NSRP1: variants seen among roughly 807,000 people sequenced by gnomAD.
The protein encoded by NSRP1 is nuclear speckle splicing regulatory protein 1, also known as coiled-coil domain containing 55.
Under a neutral mutation model 54.7 loss-of-function variants are expected in NSRP1, and 24 were observed. The observed-to-expected ratio is 0.44, with a 90% CI of 0.32 to 0.62. NSRP1 has a LOEUF of 0.62. NSRP1 is among the 20% of genes least tolerant of loss of function. The pLI is 0.06. For synonymous variants in NSRP1, 210 were observed against 213.8 expected, an observed-to-expected ratio of 0.98 and a Z score of 0.15; for missense variants, 596 against 651.2, an observed-to-expected ratio of 0.92 and a Z score of 0.92.
intron 6 of NSRP1, among the ~76,000 whole-genome samples, chr17:30,183,256 G>A (rs968882635): frequency 2.6e-5 from 4 of 152,036 alleles, no homozygotes; most frequent in African/African-American, 9.7e-5. Context: ...AATGTTCTGG[G>A]TAGATCTGAG....
chr17:30,141,832 G>T (rs1052530789), intron 2 of NSRP1, among the ~76,000 whole-genome samples: 1 of 152,050 alleles, frequency 6.6e-6, no homozygotes, highest in Non-Finnish European at 1.5e-5. Flanking sequence ...GTGAAACCTC[G>T]TCTCTACTAA....
In NSRP1 at chr17:30,180,988, G is replaced by T; in HGVS notation, c.589G>T (p.Val197Leu). The change falls in exon 6 of 7, where the codon GTA (valine) becomes TTA (leucine). Residue 197 changes from valine to leucine, a missense_variant. By Grantham distance (32) the Val-to-Leu change is conservative. Coordinates refer to ENST00000247026, the MANE Select transcript of NSRP1 (RefSeq NM_032141.4). ...LLNQAVGEEEVPKCSFREARS... is the reference protein window; with the variant it reads ...LLNQAVGEEELPKCSFREARS... ...AAATCAAGCAGTTGGTGAAGAGGAA[G>T]TACCTAAATGCAGCTTTCGTGAAGC... The T allele has an allele frequency of 6.2e-7, 1 of 1,612,024 alleles. No homozygotes were observed. Among genetic ancestry groups the T allele is most frequent in the Non-Finnish European group, 8.5e-7 (1 of 1,178,230 alleles).
rs1239170685 is a variant in NSRP1, at chr17:30,178,100, A to G, written c.201A>G (p.Ala67=). 3 of 1,612,316 alleles carry G rather than the reference A, an allele frequency of 1.9e-6. No homozygotes were observed. The highest frequency in any genetic ancestry group is 2.7e-5 in the African/African-American group (2 of 74,970). Residue 67 remains alanine (A), a synonymous_variant, in exon 4 of 7, where the codon GCA becomes GCG. Coordinates refer to ENST00000247026, the MANE Select transcript of NSRP1 (RefSeq NM_032141.4). ...QTKLEIQKAL[A]EDATVYEYDS... Reference sequence around the variant, plus strand: ...AACTGGAAATCCAGAAGGCCCTTGCAGAAGATGCTACTGTGTATGAATATG... The same window carrying G: ...AACTGGAAATCCAGAAGGCCCTTGCGGAAGATGCTACTGTGTATGAATATG...
intron 2 of NSRP1, among the ~76,000 whole-genome samples, chr17:30,157,890 T>A (rs1241173871): frequency 2.6e-5 from 4 of 152,188 alleles, no homozygotes; most frequent in Admixed American, 2.6e-4. Flanking sequence ...TTTATCCGTT[T>A]ATCTGTTGCT....
At chr17:30,176,460 A>AG (rs1905128631) in intron 3 of NSRP1, among the ~76,000 whole-genome samples, 1 of 152,058 alleles carries the variant, frequency 6.6e-6, no homozygotes, top group Non-Finnish European at 1.5e-5. Flanking sequence ...AATACAAAAA[A>AG]TTAGCCAGGC....
intron 2 of NSRP1, among the ~76,000 whole-genome samples, chr17:30,155,972 T>C (rs990002298): frequency 1.3e-5 from 2 of 151,940 alleles, no homozygotes; most frequent in Non-Finnish European, 2.9e-5. Flanking sequence ...CCCTAGTAGC[T>C]GGGATTACAG....
intron 2 of NSRP1, among the ~76,000 whole-genome samples, chr17:30,128,403 A>AT (rs1318050214): frequency 2.0e-5 from 3 of 152,050 alleles, no homozygotes; most frequent in Non-Finnish European, 4.4e-5. Context: ...GTGAGCTACC[A>AT]TTTTTTGCCA....
intron 2 of NSRP1, among the ~76,000 whole-genome samples, chr17:30,167,425 A>G (rs1200435788): frequency 1.3e-5 from 2 of 152,172 alleles, no homozygotes; most frequent in Non-Finnish European, 2.9e-5. Context: ...CCTGACCAAC[A>G]TGATGAAACC....
chr17:30,154,319 T>G (rs1250001170), intron 2 of NSRP1: 1 of 149,214 alleles, frequency 6.7e-6, no homozygotes, highest in Admixed American at 6.7e-5. Flanking sequence ...AGACCCTGTC[T>G]CAAAAAAAAA....
At position 30,181,031 on chromosome 17, in the gene NSRP1, A is replaced by G; in HGVS notation, c.617+15A>G. The stretch of plus-strand genomic sequence containing the variant: ...CGTGAAGCCAGGTGAGGAGACGTGT[A>G]TGAAATATTTTGAAGAAAAATACTG... On this transcript the variant is annotated intron_variant, in intron 6 of 6. Coordinates refer to ENST00000247026, the MANE Select transcript of NSRP1 (RefSeq NM_032141.4). 6.7e-7 allele frequency: 1 copy of G among 1,494,484 alleles called. No individual in the cohort carries two copies. The highest frequency in any genetic ancestry group is 9.3e-7 in the Non-Finnish European group (1 of 1,071,408). The allele number at this position is 1,494,484 out of a possible 1,614,324, so 92.6% of individuals were successfully genotyped here.
chr17:30,178,758 A>T (rs897244003), intron 4 of NSRP1, among the ~76,000 whole-genome samples: 1 of 152,178 alleles, frequency 6.6e-6, no homozygotes, highest in Non-Finnish European at 1.5e-5. Flanking sequence ...ACTATTTTAA[A>T]TAGTCATATT....
chr17:30,149,834 C>A (rs1432652912), intron 2 of NSRP1, among the ~76,000 whole-genome samples: 795 of 97,602 alleles, frequency 8.1e-3, no homozygotes, highest in Non-Finnish European at 9.3e-3. Flanking sequence ...GACCCTGTCT[C>A]AAAAAAAAAA....
At position 30,179,224 on chromosome 17, in the gene NSRP1, A is replaced by G. The variant is rs755035530; in HGVS notation, c.435A>G (p.Thr145=). ...GEFDDKEAFV[T]SAYKKKLQER... is the part of the protein sequence containing the mutation. ...TTGATGATAAAGAAGCATTTGTGAC[A>G]TCTGCATATAAGAAAAAACTGCAAG... The change falls in exon 5 of 7, where the codon ACA becomes ACG. Residue 145 remains threonine (T), a synonymous_variant. Coordinates refer to ENST00000247026, the MANE Select transcript of NSRP1 (RefSeq NM_032141.4). The G allele has an allele frequency of 1.2e-6, 2 of 1,611,816 alleles. No individual in the cohort carries two copies. Among genetic ancestry groups the G allele is most frequent in the South Asian group, 1.1e-5 (1 of 90,500 alleles).
At chr17:30,117,070 T>TG in intron 1 of NSRP1, 1 of 778,176 alleles carries the variant, frequency 1.3e-6, no homozygotes, top group East Asian at 2.5e-5. Flanking sequence ...GGGAGAAACT[T>TG]GTGAGGAAAT....
chr17:30,177,286 A>T (rs911869235), intron 3 of NSRP1, among the ~76,000 whole-genome samples: 2 of 151,976 alleles, frequency 1.3e-5, no homozygotes, highest in Non-Finnish European at 2.9e-5. Flanking sequence ...TGAGAGGATC[A>T]CTTGAAGCCT....
chr17:30,173,260 G>A (rs897757966), intron 3 of NSRP1, among the ~76,000 whole-genome samples: 2 of 152,086 alleles, frequency 1.3e-5, no homozygotes, highest in South Asian at 2.1e-4. Context: ...CACCGTGCGC[G>A]GCCTGATAAT....
rs75629768 is a variant in NSRP1, at chr17:30,130,981, T to C, written c.114+12808T>C. Among the ~76,000 whole-genome samples, 592 of 152,314 alleles carry C rather than the reference T, an allele frequency of 3.9e-3. 5 individuals are homozygous for C. Among genetic ancestry groups the C allele is most frequent in the African/African-American group, 0.014 (576 of 41,576 alleles). ...AAAGCCACTGCCTTTATGGCACTTA[T>C]ATTCTCAAGGTGGTGGTGGTGGGGG... On this transcript the variant is annotated intron_variant, in intron 2 of 6. Transcript: ENST00000247026.
At position 30,172,599 on chromosome 17, in the gene NSRP1, G is replaced by T. The variant is rs1904993766; in HGVS notation, c.171+1G>T. The T allele has an allele frequency of 1.2e-6, 2 of 1,609,804 alleles. No individual in the cohort carries two copies. Among genetic ancestry groups the T allele is most frequent in the Admixed American group, 1.7e-5 (1 of 59,562 alleles). On this transcript the variant is annotated splice_donor_variant, in intron 3 of 6. Coordinates refer to ENST00000247026, the MANE Select transcript of NSRP1 (RefSeq NM_032141.4). LOFTEE classifies it high-confidence loss of function. The stretch of plus-strand genomic sequence containing the variant: ...TGCTAAGAAGCAGGCCATGAAACAG[G>T]TAAGGTAGAAGACTGGGATAAGTGC...
chr17:30,148,284 A>G (rs576351786), intron 2 of NSRP1, among the ~76,000 whole-genome samples: 26 of 152,328 alleles, frequency 1.7e-4, no homozygotes, highest in Admixed American at 1.5e-3. Context: ...AGCAGGATGT[A>G]TTATTTTTAA....
Sources: allele counts gnomAD v4.1 joint callset (sites outside exome capture counted in the v4.1 genomes callset), GRCh38; gene constraint gnomAD v4.1.1; transcripts MANE v1.5; gene names NCBI Gene and HGNC (gene_info 2026-07-23, HGNC 2026-07-21).